CATSPERT: variants seen among roughly 807,000 people sequenced by gnomAD.
CATSPERT encodes the protein catsper channel auxiliary subunit tau, also known as cation channel sperm-associated targeting subunit tau.
At chr2:201,589,256 T>C in the CATSPERT span, among the ~76,000 whole-genome samples, 1 of 152,126 alleles carries the variant, frequency 6.6e-6, no homozygotes, top group Admixed American at 6.5e-5. Context: ...AGAAAACTAC[T>C]TTAAAATTCA....
chr2:201,502,622 T>G, the CATSPERT span, among the ~76,000 whole-genome samples: 1 of 152,042 alleles, frequency 6.6e-6, no homozygotes, highest in Non-Finnish European at 1.5e-5. Flanking sequence ...CTGTAAATAT[T>G]TCTTATTTAA....
At chr2:201,516,054 T>C in the CATSPERT span, among the ~76,000 whole-genome samples, 1 of 152,236 alleles carries the variant, frequency 6.6e-6, no homozygotes. Context: ...TAAACCTAGA[T>C]GGTGTGGCCT....
At chr2:201,591,217 C>T in the CATSPERT span, among the ~76,000 whole-genome samples, 139 of 152,022 alleles carry the variant, frequency 9.1e-4, no homozygotes, top group Middle Eastern at 3.4e-3. Flanking sequence ...AGCCAGTTTT[C>T]CCAGCACCAT....
At chr2:201,491,825 C>T in the CATSPERT span, 1 of 1,536,972 alleles carries the variant, frequency 6.5e-7, no homozygotes, top group South Asian at 1.2e-5. Context: ...GATTTACCAC[C>T]CCAACTATAT....
At chr2:201,487,594 C>A in the CATSPERT span, 31 of 1,602,870 alleles carry the variant, frequency 1.9e-5, no homozygotes, top group Middle Eastern at 1.7e-4. Context: ...TATAATATCA[C>A]AAATGAGCGA....
the CATSPERT span, among the ~76,000 whole-genome samples, chr2:201,606,360 A>G: frequency 1.3e-5 from 2 of 152,244 alleles, no homozygotes; most frequent in African/African-American, 4.8e-5. Context: ...CAACATACAA[A>G]GCAATGCAAC....
chr2:201,488,489 A>C, the CATSPERT span, among the ~76,000 whole-genome samples: 2 of 152,260 alleles, frequency 1.3e-5, no homozygotes, highest in East Asian at 3.8e-4. Flanking sequence ...GTATACTCTG[A>C]GTAAACAAGT....
At chr2:201,599,113 T>A in the CATSPERT span, among the ~76,000 whole-genome samples, 3 of 152,130 alleles carry the variant, frequency 2.0e-5, no homozygotes, top group East Asian at 5.8e-4. Flanking sequence ...ACTTCCCCTG[T>A]GGCCCTCAGT....
the CATSPERT span, among the ~76,000 whole-genome samples, chr2:201,502,069 T>G: frequency 6.6e-6 from 1 of 152,196 alleles, no homozygotes; most frequent in African/African-American, 2.4e-5. Flanking sequence ...AATAAAACTA[T>G]GTTCCCTCCA....
the CATSPERT span, among the ~76,000 whole-genome samples, chr2:201,616,181 C>G: frequency 3.9e-5 from 6 of 152,118 alleles, no homozygotes; most frequent in South Asian, 2.1e-4. Flanking sequence ...AATAGAAAAA[C>G]AGGGAATCAT....
the CATSPERT span, among the ~76,000 whole-genome samples, chr2:201,502,929 T>C: frequency 6.6e-6 from 1 of 151,880 alleles, no homozygotes; most frequent in East Asian, 1.9e-4. Context: ...TTCATTTTTG[T>C]GTAGCTCCTA....
the CATSPERT span, among the ~76,000 whole-genome samples, chr2:201,528,068 G>GAAA: frequency 3.6e-5 from 5 of 139,018 alleles, no homozygotes; most frequent in Non-Finnish European, 7.7e-5. Flanking sequence ...AGCAAAAAGC[G>GAAA]AAAAAAAAAA....
At chr2:201,517,609 C>T in the CATSPERT span, among the ~76,000 whole-genome samples, 1 of 152,184 alleles carries the variant, frequency 6.6e-6, no homozygotes, top group African/African-American at 2.4e-5. Context: ...TAGTAAAGCC[C>T]TATTGAACCA....
the CATSPERT span, among the ~76,000 whole-genome samples, chr2:201,588,112 T>C: frequency 6.6e-6 from 1 of 152,064 alleles, no homozygotes; most frequent in Non-Finnish European, 1.5e-5. Context: ...TTCCCCAAAA[T>C]TGAGCAGAAG....
At chr2:201,493,197 A>G in the CATSPERT span, 1 of 1,534,782 alleles carries the variant, frequency 6.5e-7, no homozygotes, top group Admixed American at 2.0e-5. Flanking sequence ...AACTTTCTAA[A>G]GTAGAACTGA....
the CATSPERT span, among the ~76,000 whole-genome samples, chr2:201,512,597 G>C: frequency 6.6e-6 from 1 of 152,038 alleles, no homozygotes; most frequent in Non-Finnish European, 1.5e-5. Context: ...AATTCATCCA[G>C]GTTGTTGTAT....
the CATSPERT span, among the ~76,000 whole-genome samples, chr2:201,585,324 G>A: frequency 6.7e-6 from 1 of 149,372 alleles, no homozygotes; most frequent in African/African-American, 2.5e-5. Context: ...CATGGCACGT[G>A]TATACCTATG....
the CATSPERT span, chr2:201,572,114 A>G: frequency 2.3e-6 from 2 of 861,696 alleles, no homozygotes; most frequent in Non-Finnish European, 3.7e-6. Flanking sequence ...TAATGCTATG[A>G]ATACCCCAGG....
chr2:201,565,541 A>G, the CATSPERT span, among the ~76,000 whole-genome samples: 1 of 152,144 alleles, frequency 6.6e-6, no homozygotes, highest in Non-Finnish European at 1.5e-5. Flanking sequence ...TTTTTCAAAC[A>G]AGATACCTAA....
Sources: gnomAD v4.1 joint callset for allele counts (sites outside exome capture counted in the v4.1 genomes callset) on GRCh38, gnomAD v4.1.1 for gene constraint, MANE v1.5 for transcripts, NCBI Gene and HGNC (gene_info 2026-07-23, HGNC 2026-07-21) for gene names.